Variants in TENM2 observed in about 807,000 individuals in gnomAD.
TENM2 encodes teneurin transmembrane protein 2.
A neutral mutation model predicts 245.2 loss-of-function variants in TENM2; 52 were observed. The observed-to-expected ratio is 0.21, with a 90% CI of 0.17 to 0.27. The LOEUF (loss-of-function observed/expected upper bound fraction) is 0.27, where lower values mean the gene tolerates loss of function less well. TENM2 is among the 10% of genes least tolerant of loss of function. TENM2 has a pLI of 1.00. For missense variants in TENM2, 3,046 were observed against 3,666.8 expected (o/e 0.83, Z 4.37); for synonymous variants, 1,363 against 1,438.9 (o/e 0.95, Z 1.19).
the TENM2 span, among the ~76,000 whole-genome samples, chr5:166,991,443 GTTTC>G: frequency 2.0e-5 from 3 of 151,608 alleles, no homozygotes; most frequent in Non-Finnish European, 2.9e-5. Context: ...AGTTATCCTT[GTTTC>G]AGACCTAGTA....
the TENM2 span, among the ~76,000 whole-genome samples, chr5:167,256,225 G>C: frequency 6.6e-6 from 1 of 152,064 alleles, no homozygotes; most frequent in Non-Finnish European, 1.5e-5. Flanking sequence ...GTGGAGTTTT[G>C]GGATTCCCAT....
At chr5:167,640,110 G>A (rs180859545) in intron 2 of TENM2, among the ~76,000 whole-genome samples, 453 of 152,212 alleles carry the variant, frequency 3.0e-3, no homozygotes, top group African/African-American at 0.01. Context: ...TGGTTGTTGA[G>A]ATATATGTTT....
At chr5:167,125,488 C>T in the TENM2 span, among the ~76,000 whole-genome samples, 25 of 152,178 alleles carry the variant, frequency 1.6e-4, no homozygotes, top group Non-Finnish European at 3.7e-4. Flanking sequence ...GACCCTGAAT[C>T]TGTTTGATTC....
At chr5:167,231,364 C>T in the TENM2 span, among the ~76,000 whole-genome samples, 1 of 152,142 alleles carries the variant, frequency 6.6e-6, no homozygotes, top group Non-Finnish European at 1.5e-5. Context: ...GACCAAAATG[C>T]TGGTAGTGAT....
At chr5:168,180,541 T>C (rs1020846291) in intron 13 of TENM2, among the ~76,000 whole-genome samples, 1 of 152,178 alleles carries the variant, frequency 6.6e-6, no homozygotes, top group Non-Finnish European at 1.5e-5. Flanking sequence ...TCTCAGTCAC[T>C]CAGAACAGAG....
intron 2 of TENM2, among the ~76,000 whole-genome samples, chr5:167,873,239 C>T (rs554809851): frequency 1.3e-5 from 2 of 152,206 alleles, no homozygotes; most frequent in Non-Finnish European, 2.9e-5. Flanking sequence ...CGGATGATAG[C>T]GGCTGTAAAT....
intron 2 of TENM2, among the ~76,000 whole-genome samples, chr5:167,830,350 AAG>A (rs1340156401): frequency 1.3e-5 from 2 of 152,154 alleles, no homozygotes; most frequent in Non-Finnish European, 2.9e-5. Context: ...TTCTTTTTTA[AAG>A]AGAGCAGGCT....
chr5:167,684,522 G>A (rs993808487), intron 2 of TENM2, among the ~76,000 whole-genome samples: 35 of 152,086 alleles, frequency 2.3e-4, no homozygotes, highest in Non-Finnish European at 2.9e-5. Flanking sequence ...ATAGAGCTTG[G>A]GTAATATGTA....
chr5:167,363,283 C>A (rs567268660), intron 1 of TENM2, among the ~76,000 whole-genome samples: 6 of 152,202 alleles, frequency 3.9e-5, no homozygotes, highest in Non-Finnish European at 8.8e-5. Flanking sequence ...TGTAGTAAGC[C>A]AGGAAACCTA....
At chr5:167,027,266 A>G in the TENM2 span, among the ~76,000 whole-genome samples, 41 of 152,160 alleles carry the variant, frequency 2.7e-4, no homozygotes, top group Non-Finnish European at 4.7e-4. Context: ...GGTTTTTTGA[A>G]ATAAAAATAT....
intron 2 of TENM2, among the ~76,000 whole-genome samples, chr5:167,664,966 A>G (rs1334271908): frequency 6.6e-6 from 1 of 152,236 alleles, no homozygotes; most frequent in Non-Finnish European, 1.5e-5. Flanking sequence ...GACATGGGCT[A>G]AATAACCCTG....
At chr5:167,392,517 A>C (rs1269890382) in intron 2 of TENM2, among the ~76,000 whole-genome samples, 2 of 152,182 alleles carry the variant, frequency 1.3e-5, no homozygotes, top group East Asian at 3.9e-4. Context: ...TCCTGCCGTC[A>C]GCATTTCTGT....
chr5:167,923,302 G>T (rs73372728), intron 3 of TENM2, among the ~76,000 whole-genome samples: 3,956 of 149,780 alleles, frequency 0.026, 173 homozygotes, highest in African/African-American at 0.093. Context: ...CTGGGCAAGA[G>T]TAAGACTCTG....
intron 1 of TENM2, among the ~76,000 whole-genome samples, chr5:167,369,865 G>T (rs1334369817): frequency 6.6e-6 from 1 of 152,128 alleles, no homozygotes; most frequent in East Asian, 1.9e-4. Flanking sequence ...ACCATGACAT[G>T]ATAATTCTGA....
chr5:166,982,341 A>G, the TENM2 span, among the ~76,000 whole-genome samples: 1 of 152,134 alleles, frequency 6.6e-6, no homozygotes, highest in Admixed American at 6.5e-5. Flanking sequence ...AATGTTTCTT[A>G]ACATTAATTG....
rs141461724 is a variant in TENM2, at chr5:167,465,432, C to G, written c.502+89959C>G. On this transcript the variant is annotated intron_variant, in intron 2 of 28. Coordinates refer to ENST00000518659, the Ensembl canonical transcript of TENM2. Reference sequence around the variant, plus strand: ...TCATGAGCTGAACTTCCACTCTCCACCAAGCACCATGCTCTGCAATCTCCA... The same window carrying G: ...TCATGAGCTGAACTTCCACTCTCCAGCAAGCACCATGCTCTGCAATCTCCA... Among the ~76,000 whole-genome samples, 14 of 152,328 alleles carry G rather than the reference C, an allele frequency of 9.2e-5. No individual in the cohort carries two copies. In the East Asian group the frequency reaches 2.7e-3, roughly 29 times the overall value.
intron 2 of TENM2, among the ~76,000 whole-genome samples, chr5:167,814,566 C>T (rs1209934725): frequency 6.6e-6 from 1 of 150,514 alleles, no homozygotes; most frequent in Non-Finnish European, 1.5e-5. Flanking sequence ...TGCCATGTAC[C>T]AATCTGTGTG....
intron 13 of TENM2, among the ~76,000 whole-genome samples, chr5:168,188,299 C>T (rs139227185): frequency 4.7e-4 from 71 of 152,300 alleles, no homozygotes; most frequent in African/African-American, 1.5e-3. Flanking sequence ...GGTTTGAGTG[C>T]GTGTTTCCAT....
the TENM2 span, among the ~76,000 whole-genome samples, chr5:167,088,669 G>A: frequency 6.6e-6 from 1 of 151,652 alleles, no homozygotes; most frequent in South Asian, 2.1e-4. Context: ...CAGTTAGAAA[G>A]CTATTTATTT....
Sources: allele counts gnomAD v4.1 joint callset (sites outside exome capture counted in the v4.1 genomes callset), GRCh38; gene constraint gnomAD v4.1.1; transcripts MANE v1.5; gene names NCBI Gene and HGNC (gene_info 2026-07-23, HGNC 2026-07-21).